DCAF17: variants seen among roughly 807,000 people sequenced by gnomAD.
DCAF17 encodes the protein DDB1 and CUL4 associated factor 17, also known as DDB1- and CUL4-associated factor 17.
DCAF17 carries 48 observed loss-of-function variants against 66.0 expected under a neutral mutation model. That is an observed-to-expected ratio of 0.73 (90% confidence interval 0.58 to 0.92). DCAF17 has a LOEUF of 0.92. Ranked by LOEUF, DCAF17 falls within the 40% of genes least tolerant of loss-of-function variation. The pLI is 0.00. For missense variants in DCAF17, 562 were observed against 622.8 expected, an observed-to-expected ratio of 0.90 and a Z score of 1.04; for synonymous variants, 206 against 214.6, an observed-to-expected ratio of 0.96 and a Z score of 0.35.
chr2:171,456,390 T>G (rs556282420), intron 6 of DCAF17, among the ~76,000 whole-genome samples: 1 of 152,354 alleles, frequency 6.6e-6, no homozygotes, highest in African/African-American at 2.4e-5. Flanking sequence ...CCATGCTGTT[T>G]TGGTTACTGT....
intron 3 of DCAF17, among the ~76,000 whole-genome samples, chr2:171,446,136 C>T (rs1306549773): frequency 6.6e-6 from 1 of 152,062 alleles, no homozygotes; most frequent in African/African-American, 2.4e-5. Context: ...CTTGATTATA[C>T]TTACGAAAGG....
At position 171,483,748 on chromosome 2, in the gene DCAF17, C is replaced by A. The variant is rs1158494397; in HGVS notation, c.*2634C>A. 2.2e-6 allele frequency: 1 copy of A among 453,910 alleles called. No individual in the cohort carries two copies. Among genetic ancestry groups the A allele is most frequent in the Non-Finnish European group, 4.4e-6 (1 of 226,784 alleles). The allele number at this position is 453,910 out of a possible 1,614,324, so 28.1% of individuals were successfully genotyped here. On this transcript the variant is annotated 3_prime_UTR_variant, in exon 14 of 14. Coordinates refer to ENST00000375255, the MANE Select transcript of DCAF17 (RefSeq NM_025000.4). ...TGTCTCATTTAATATTCAGAATAAC[C>A]ACATGAAGTATGAACTGCCATTATC...
At chr2:171,439,003 A>G (rs903825208) in intron 2 of DCAF17, among the ~76,000 whole-genome samples, 1 of 151,966 alleles carries the variant, frequency 6.6e-6, no homozygotes, top group East Asian at 1.9e-4. Context: ...GCTGAGGATT[A>G]CAGACACGAG....
At chr2:171,478,502 G>A (rs899710023) in intron 12 of DCAF17, among the ~76,000 whole-genome samples, 7 of 152,164 alleles carry the variant, frequency 4.6e-5, no homozygotes, top group African/African-American at 1.7e-4. Flanking sequence ...GAGGATGTGA[G>A]GGCATGATAA....
Position 171,478,138 on chromosome 2 carries a change from C to A in DCAF17, c.1266+68C>A, listed in dbSNP as rs1294532573. On this transcript the variant is annotated intron_variant, in intron 12 of 13. Transcript: ENST00000375255. The stretch of plus-strand genomic sequence containing the variant: ...TTGCATTGTGAATTTCATATTAATA[C>A]TTCCCCATATCCTGGGGTAGAGGTT... 8 of 1,384,468 alleles carry A rather than the reference C, an allele frequency of 5.8e-6. 1 individual carries two copies. In the Admixed American group the frequency reaches 1.2e-4, roughly 20 times the overall value. The allele number at this position is 1,384,468 out of a possible 1,614,324, so 85.8% of individuals were successfully genotyped here. A position where few individuals can be genotyped will look rare whatever the true frequency, so the allele number is the denominator to read the frequency against.
chr2:171,461,964 G>A (rs1454966080), intron 8 of DCAF17, among the ~76,000 whole-genome samples: 6 of 152,066 alleles, frequency 3.9e-5, no homozygotes, highest in Middle Eastern at 6.8e-3. Context: ...TTTGAGATTC[G>A]TTTCATGTTG....
chr2:171,448,918 A>AT, intron 4 of DCAF17, 101 bp downstream of exon 4: 2 of 1,060,364 alleles, frequency 1.9e-6, no homozygotes, highest in Non-Finnish European at 2.8e-6. Flanking sequence ...TTTCTAATCC[A>AT]TTACCAGATC....
intron 8 of DCAF17, among the ~76,000 whole-genome samples, chr2:171,458,971 A>G (rs1349667189): frequency 6.6e-6 from 1 of 152,230 alleles, no homozygotes; most frequent in East Asian, 1.9e-4. Context: ...CTATAAATAT[A>G]GTAAAAATGT....
rs1160311972 is a variant in DCAF17 at position 171,484,223 on chromosome 2, C to A, written c.*3109C>A. 2.2e-6 allele frequency: 1 copy of A among 450,960 alleles called. No homozygotes were observed. Among genetic ancestry groups the A allele is most frequent in the South Asian group, 1.6e-5 (1 of 63,112 alleles). 27.9% of individuals were successfully genotyped at this position (450,960 alleles called of 1,614,324 possible). A position where few individuals can be genotyped will look rare whatever the true frequency, so the allele number is the denominator to read the frequency against. On this transcript the variant is annotated 3_prime_UTR_variant, in exon 14 of 14. Coordinates refer to ENST00000375255, the MANE Select transcript of DCAF17 (RefSeq NM_025000.4). ...TCCTTCTTACCATGTTTACTTATAT[C>A]ATCCATCTTTTAGAATCCCAGGGAG...
intron 5 of DCAF17, among the ~76,000 whole-genome samples, chr2:171,452,016 C>T (rs1694983319): frequency 6.6e-6 from 1 of 152,262 alleles, no homozygotes; most frequent in East Asian, 1.9e-4. Context: ...GGTATATAAA[C>T]TGTACTTTTC....
intron 4 of DCAF17, 62 bp downstream of exon 4, chr2:171,448,879 G>A: frequency 6.8e-7 from 1 of 1,468,656 alleles, no homozygotes. Flanking sequence ...TGTGGCCCAT[G>A]AAATTTCAAG....
Position 171,451,960 on chromosome 2 carries a change from CT to C in DCAF17, c.538-1163del, listed in dbSNP as rs200621819. Reference sequence around the variant, plus strand: ...CTTGTCAGTATTTCTATATTCTGGACTGTTTTCCTACAGTCTCCAGCCAACA... The same window carrying C: ...CTTGTCAGTATTTCTATATTCTGGACGTTTTCCTACAGTCTCCAGCCAACA... On this transcript the variant is annotated intron_variant, in intron 5 of 13. Coordinates refer to ENST00000375255, the MANE Select transcript of DCAF17 (RefSeq NM_025000.4). Among the ~76,000 whole-genome samples, 598 of 152,222 alleles carry C rather than the reference CT, an allele frequency of 3.9e-3. 2 individuals carry two copies. Among genetic ancestry groups the C allele is most frequent in the Non-Finnish European group, 6.8e-3 (461 of 68,018 alleles).
intron 10 of DCAF17, chr2:171,474,215 A>G (rs543402469): frequency 1.3e-5 from 7 of 520,562 alleles, no homozygotes; most frequent in Middle Eastern, 5.6e-4. Flanking sequence ...GTAAAAGGGA[A>G]TTACAGACTG....
chr2:171,457,982 C>T lies in DCAF17; in HGVS notation c.639C>T (p.Asn213=), dbSNP rs755304811. The change falls in exon 7 of 14, where the codon AAC becomes AAT. Residue 213 remains asparagine, a synonymous_variant. Transcript: ENST00000375255. The part of the protein sequence containing the change: ...ILEINKKIFG[N]VTDATLSHGI... ...TTTCCCCCCGCCAGATTTTTGGGAA[C>T]GTTACAGATGCTACCTTGTCTCATG... 3.1e-6 allele frequency: 5 copies of T among 1,613,952 alleles called. No homozygotes were observed. The highest frequency in any genetic ancestry group is 1.1e-5 in the South Asian group (1 of 91,072).
chr2:171,440,548 T>C (rs1694248647), intron 2 of DCAF17, among the ~76,000 whole-genome samples: 1 of 152,196 alleles, frequency 6.6e-6, no homozygotes, highest in African/African-American at 2.4e-5. Context: ...CACTCCAGCC[T>C]GAGCAACAGA....
intron 10 of DCAF17, among the ~76,000 whole-genome samples, chr2:171,476,149 CTTT>C (rs112721895): frequency 6.8e-6 from 1 of 146,728 alleles, no homozygotes; most frequent in Non-Finnish European, 1.5e-5. Context: ...CTCTGCTGTT[CTTT>C]TTTTTTTTGC....
chr2:171,469,645 A>C (rs1329534217), intron 9 of DCAF17, among the ~76,000 whole-genome samples: 3 of 152,244 alleles, frequency 2.0e-5, no homozygotes, highest in African/African-American at 7.2e-5. Flanking sequence ...CATGTGCCAG[A>C]CATGACTAAG....
rs1693610792 is a variant in DCAF17 at position 171,434,377 on chromosome 2, C to T, written c.-201C>T. On this transcript the variant is annotated 5_prime_UTR_variant, in exon 1 of 14. Transcript: ENST00000375255. ...GGGAGTGCTTCTTCCCTTCTCTCCG[C>T]GCTCTGGCGGTGCAAGCGGCTCTGC... The T allele has an allele frequency of 1.1e-6, 1 of 885,068 alleles. No homozygotes were observed. Among genetic ancestry groups the T allele is most frequent in the Non-Finnish European group, 1.8e-6 (1 of 559,224 alleles). 54.8% of individuals were successfully genotyped at this position (885,068 alleles called of 1,614,324 possible). A position where few individuals can be genotyped will look rare whatever the true frequency, so the allele number is the denominator to read the frequency against.
intron 8 of DCAF17, 77 bp from the exon 9 acceptor site, chr2:171,468,811 A>C: frequency 6.4e-7 from 1 of 1,570,660 alleles, no homozygotes; most frequent in Non-Finnish European, 8.8e-7. Flanking sequence ...ATGCAAAGAA[A>C]GGTTGAATTC....
Sources: gnomAD v4.1 joint callset for allele counts (sites outside exome capture counted in the v4.1 genomes callset) on GRCh38, gnomAD v4.1.1 for gene constraint, MANE v1.5 for transcripts, NCBI Gene and HGNC (gene_info 2026-07-23, HGNC 2026-07-21) for gene names.